Variants in ATP8B4 observed in about 807,000 individuals in gnomAD.
The protein encoded by ATP8B4 is ATPase phospholipid transporting 8B4 (putative), also known as probable phospholipid-transporting ATPase IM.
Under a neutral mutation model 145.6 loss-of-function variants are expected in ATP8B4, and 133 were observed. The observed-to-expected ratio is 0.91, with a 90% confidence interval of 0.79 to 1.05. The LOEUF (loss-of-function observed/expected upper bound fraction) is 1.05. Among genes scored for constraint, ATP8B4 ranks in the 50% least tolerant of loss-of-function variants. The probability of loss-of-function intolerance (pLI) is 0.00; values close to 1 mark genes in which losing one functional copy is unlikely to be tolerated. For missense variants in ATP8B4, 1,458 were observed against 1,425.2 expected (o/e 1.02, Z -0.37); for synonymous variants, 507 against 492.9 (o/e 1.03, Z -0.38).
chr15:49,889,568 C>T (rs1204587255), intron 23 of ATP8B4, among the ~76,000 whole-genome samples: 3 of 152,192 alleles, frequency 2.0e-5, no homozygotes, highest in African/African-American at 7.2e-5. Context: ...GTCCTAAGTG[C>T]CACCATCCCA....
At chr15:50,046,608 C>T (rs183453392) in intron 4 of ATP8B4, among the ~76,000 whole-genome samples, 1 of 152,242 alleles carries the variant, frequency 6.6e-6, no homozygotes, top group Admixed American at 6.5e-5. Context: ...TAATCTAATC[C>T]ATCTTCTTAC....
At chr15:49,946,322 CTTATGA>C (rs1330816820) in intron 14 of ATP8B4, among the ~76,000 whole-genome samples, 1 of 152,180 alleles carries the variant, frequency 6.6e-6, no homozygotes, top group East Asian at 1.9e-4. Flanking sequence ...GTAGTAAATT[CTTATGA>C]TTATATGTTG....
intron 2 of ATP8B4, among the ~76,000 whole-genome samples, chr15:50,104,885 A>ACACACACACACACACC (rs1160886629): frequency 6.6e-6 from 1 of 150,910 alleles, no homozygotes; most frequent in Non-Finnish European, 1.5e-5. Context: ...ACACACACAC[A>ACACACACACACACACC]CACCCATATA....
At chr15:49,888,440 T>C (rs2036451496) in intron 23 of ATP8B4, among the ~76,000 whole-genome samples, 1 of 149,512 alleles carries the variant, frequency 6.7e-6, no homozygotes, top group African/African-American at 2.4e-5. Context: ...AAAAAAAAAA[T>C]ACACAGCCCT....
chr15:49,898,044 C>T lies in ATP8B4; in HGVS notation c.2473+24G>A, dbSNP rs749134718. 3.7e-6 allele frequency: 6 copies of T among 1,612,136 alleles called. No homozygotes were observed. The African/African-American group carries it at 6.7e-5, about 18-fold the overall frequency. On this transcript the variant is annotated intron_variant, in intron 22 of 27. Coordinates refer to ENST00000284509, the MANE Select transcript of ATP8B4 (RefSeq NM_024837.4). ...TGAGGACCCCATGTATGCAGCATACCCCATTGAGCAAATATCCTCTTACTT... is the reference window on the plus strand; with the variant it reads ...TGAGGACCCCATGTATGCAGCATACTCCATTGAGCAAATATCCTCTTACTT...
intron 1 of ATP8B4, among the ~76,000 whole-genome samples, chr15:50,126,179 T>C (rs2057305924): frequency 6.8e-6 from 1 of 147,824 alleles, no homozygotes; most frequent in Non-Finnish European, 1.5e-5. Context: ...TGAAGCTGAG[T>C]CCTGAAAGAT....
intron 6 of ATP8B4, among the ~76,000 whole-genome samples, chr15:50,032,867 G>A (rs1037248267): frequency 6.6e-6 from 1 of 152,114 alleles, no homozygotes; most frequent in African/African-American, 2.4e-5. Flanking sequence ...GATAGTGGAA[G>A]AATGAATGTT....
At chr15:50,010,070 AT>A (rs1399864755) in intron 7 of ATP8B4, among the ~76,000 whole-genome samples, 1 of 152,082 alleles carries the variant, frequency 6.6e-6, no homozygotes, top group African/African-American at 2.4e-5. Context: ...TTGGGGCCAT[AT>A]TTTTTTCCCT....
chr15:50,158,024 C>T (rs900325294), intron 1 of ATP8B4, among the ~76,000 whole-genome samples: 4 of 152,324 alleles, frequency 2.6e-5, no homozygotes, highest in East Asian at 3.9e-4. Context: ...CCTGAGGTGC[C>T]GGGATTGCAG....
At chr15:49,954,183 T>C (rs1282940058) in intron 14 of ATP8B4, among the ~76,000 whole-genome samples, 1 of 152,204 alleles carries the variant, frequency 6.6e-6, no homozygotes, top group Non-Finnish European at 1.5e-5. Flanking sequence ...TTCTTGCTCC[T>C]CAGCTTGCAG....
At chr15:49,943,353 G>C (rs1453591363) in intron 14 of ATP8B4, among the ~76,000 whole-genome samples, 1 of 150,942 alleles carries the variant, frequency 6.6e-6, no homozygotes, top group African/African-American at 2.4e-5. Context: ...AGGAAATGGA[G>C]ATCCATTTTC....
chr15:49,872,816 G>A (rs762345346), intron 25 of ATP8B4, among the ~76,000 whole-genome samples: 2 of 151,928 alleles, frequency 1.3e-5, no homozygotes, highest in African/African-American at 4.8e-5. Flanking sequence ...GATCCTAGAA[G>A]AGAAAAGGGT....
At chr15:50,157,334 C>T (rs2044434808) in intron 1 of ATP8B4, among the ~76,000 whole-genome samples, 1 of 152,172 alleles carries the variant, frequency 6.6e-6, no homozygotes, top group Non-Finnish European at 1.5e-5. Flanking sequence ...AGAGAAGACT[C>T]ACCAGTGCAG....
chr15:50,091,497 A>G (rs1411070817), intron 2 of ATP8B4, among the ~76,000 whole-genome samples: 2 of 152,206 alleles, frequency 1.3e-5, no homozygotes, highest in African/African-American at 4.8e-5. Context: ...TAGAGTTAGA[A>G]AAATGCATTT....
At chr15:49,912,355 G>GC (rs2039315805) in intron 20 of ATP8B4, among the ~76,000 whole-genome samples, 1 of 152,024 alleles carries the variant, frequency 6.6e-6, no homozygotes, top group Admixed American at 6.6e-5. Flanking sequence ...TACAACTTAC[G>GC]CCACAGAAAT....
rs555108736 is a variant in ATP8B4, at chr15:49,858,844, TGTTGA to T, written c.*1345_*1349del. On this transcript the variant is annotated 3_prime_UTR_variant, in exon 28 of 28. Transcript: ENST00000284509. Reference sequence around the variant, plus strand: ...TCTTCCAATTGCTCTGTTATACTGATGTTGAGTTAACTGGAACTTAACTCATCTGT... The same window carrying T: ...TCTTCCAATTGCTCTGTTATACTGATGTTAACTGGAACTTAACTCATCTGT... The T allele has an allele frequency of 3.7e-4, 57 of 152,374 alleles. No homozygotes were observed. Among genetic ancestry groups the T allele is most frequent in the East Asian group, 5.8e-4 (3 of 5,194 alleles). The allele number at this position is 152,374 out of a possible 1,614,324, so 9.4% of individuals were successfully genotyped here.
At chr15:49,879,552 G>T in intron 23 of ATP8B4, 93 bp from the exon 24 acceptor site, 1 of 1,113,208 alleles carries the variant, frequency 9.0e-7, no homozygotes, top group Non-Finnish European at 1.3e-6. Flanking sequence ...TCTGAGGTGG[G>T]TGGGAGTTGA....
intron 1 of ATP8B4, chr15:50,113,308 T>C (rs2057038874): frequency 6.6e-6 from 1 of 152,104 alleles, no homozygotes; most frequent in Non-Finnish European, 1.5e-5. Flanking sequence ...ATCTCAGCCT[T>C]GGGAGCTGAG....
chr15:49,884,681 A>C (rs2035957530), intron 23 of ATP8B4, among the ~76,000 whole-genome samples: 1 of 151,454 alleles, frequency 6.6e-6, no homozygotes, highest in Admixed American at 6.6e-5. Flanking sequence ...TGTAATTGAG[A>C]GCATACACAA....
Sources: gnomAD v4.1 joint callset for allele counts (sites outside exome capture counted in the v4.1 genomes callset) on GRCh38, gnomAD v4.1.1 for gene constraint, MANE v1.5 for transcripts, NCBI Gene and HGNC (gene_info 2026-07-23, HGNC 2026-07-21) for gene names.